ESYT2: variants seen among roughly 807,000 people sequenced by gnomAD.
ESYT2 encodes extended synaptotagmin 2, also known as extended synaptotagmin-2.
ESYT2 carries 54 observed loss-of-function variants against 107.2 expected under a neutral mutation model. The ratio of observed to expected loss-of-function variants is 0.50; its 90% confidence interval spans 0.40 to 0.63. The LOEUF (loss-of-function observed/expected upper bound fraction) is 0.63, where lower values mean the gene tolerates loss of function less well. Ranked by LOEUF, ESYT2 falls within the 30% of genes least tolerant of loss-of-function variation. The pLI is 0.00. For missense variants in ESYT2, 1,020 were observed against 1,094.5 expected, an observed-to-expected ratio of 0.93 and a Z score of 0.96; for synonymous variants, 491 against 434.1, an observed-to-expected ratio of 1.13 and a Z score of -1.63.
chr7:158,829,230 A>C lies in ESYT2; in HGVS notation c.189T>G (p.Val63=). The C allele has an allele frequency of 6.5e-7, 1 of 1,529,044 alleles. No homozygotes were observed. The highest frequency in any genetic ancestry group is 8.7e-7 in the Non-Finnish European group (1 of 1,145,982). 94.7% of individuals were successfully genotyped at this position (1,529,044 alleles called of 1,614,324 possible). A position where few individuals can be genotyped will look rare whatever the true frequency, so the allele number is the denominator to read the frequency against. Residue 63 remains valine, a synonymous_variant, in exon 1 of 23, where the codon GTT becomes GTG. Transcript: ENST00000275418. ...LGYLGLSFSW[V]LLALALLAWC... ...AGGCGAGCAGCGCGAGCGCGAGGAG[A>C]ACCCAGCTGAAGCTGAGCCCCAGGT... is the stretch of plus-strand genomic sequence containing the variant.
intron 4 of ESYT2, among the ~76,000 whole-genome samples, chr7:158,792,544 C>A (rs867688185): frequency 1.3e-4 from 19 of 148,234 alleles, no homozygotes; most frequent in Middle Eastern, 3.4e-3. Flanking sequence ...AAAAAAAAAA[C>A]CAACCAAACA....
At chr7:158,792,630 T>C (rs899063755) in intron 4 of ESYT2, among the ~76,000 whole-genome samples, 3 of 151,786 alleles carry the variant, frequency 2.0e-5, no homozygotes, top group Non-Finnish European at 2.9e-5. Flanking sequence ...CCTTTATTTC[T>C]TTCTCTTGCC....
intron 14 of ESYT2, among the ~76,000 whole-genome samples, chr7:158,751,889 A>G (rs897271126): frequency 1.3e-5 from 2 of 152,316 alleles, no homozygotes; most frequent in African/African-American, 4.8e-5. Context: ...GGGCACAGTT[A>G]TTTCAACTAC....
Position 158,741,479 on chromosome 7 carries a change from C to T in ESYT2, c.2168+44G>A, listed in dbSNP as rs370858579. 2,781 of 1,477,002 alleles carry T rather than the reference C, an allele frequency of 1.9e-3. 5 individuals are homozygous for T. Among genetic ancestry groups the T allele is most frequent in the Non-Finnish European group, 2.4e-3 (2,650 of 1,112,632 alleles). The allele number at this position is 1,477,002 out of a possible 1,614,324, so 91.5% of individuals were successfully genotyped here. A position where few individuals can be genotyped will look rare whatever the true frequency, so the allele number is the denominator to read the frequency against. ...CTCTCCCCCAGCGTGGGGTGGGGGG[C>T]GCTTGCTCTGCTGGTGAGAAACAAC... On this transcript the variant is annotated intron_variant, in intron 18 of 22. Transcript: ENST00000275418.
intron 1 of ESYT2, among the ~76,000 whole-genome samples, chr7:158,823,488 G>A (rs998646012): frequency 3.3e-5 from 5 of 151,194 alleles, no homozygotes; most frequent in South Asian, 2.1e-4. Flanking sequence ...CGCCACGCCC[G>A]GCTAATTTTT....
At chr7:158,796,611 G>A (rs886718790) in intron 3 of ESYT2, among the ~76,000 whole-genome samples, 26 of 152,228 alleles carry the variant, frequency 1.7e-4, no homozygotes, top group South Asian at 4.1e-4. Context: ...AGAAAGACAC[G>A]TGGTGGAGAA....
chr7:158,758,846 G>A (rs1225007928), intron 13 of ESYT2, among the ~76,000 whole-genome samples: 1 of 152,126 alleles, frequency 6.6e-6, no homozygotes, highest in Non-Finnish European at 1.5e-5. Context: ...CCTTTTCTGT[G>A]GTTACGGTTA....
At chr7:158,756,926 A>G (rs939154825) in intron 13 of ESYT2, among the ~76,000 whole-genome samples, 3 of 150,510 alleles carry the variant, frequency 2.0e-5, no homozygotes, top group Non-Finnish European at 4.4e-5. Flanking sequence ...AAAAAAAAAA[A>G]AAAAAAAAAA....
At chr7:158,739,198 A>G (rs1176505330) in intron 18 of ESYT2, 77 bp from the exon 19 acceptor site, 2 of 1,209,766 alleles carry the variant, frequency 1.7e-6, no homozygotes, top group Non-Finnish European at 1.2e-6. Flanking sequence ...ACTGTACACG[A>G]TAAAATAATT....
At chr7:158,810,234 C>T (rs565569872) in intron 1 of ESYT2, among the ~76,000 whole-genome samples, 3 of 152,332 alleles carry the variant, frequency 2.0e-5, no homozygotes, top group Non-Finnish European at 4.4e-5. Flanking sequence ...TGAATGCTCA[C>T]AGCAGCATGA....
intron 6 of ESYT2, among the ~76,000 whole-genome samples, chr7:158,773,726 A>G (rs1389355403): frequency 2.0e-5 from 3 of 152,208 alleles, no homozygotes; most frequent in African/African-American, 7.2e-5. Context: ...TTTTACATAC[A>G]TGTTCTCATA....
rs574174194 is a variant in ESYT2, at chr7:158,763,351, G to A, written c.1102-186C>T. 4.5e-4 allele frequency among the ~76,000 whole-genome samples: 68 copies of A among 152,150 alleles called. No homozygotes were observed. The South Asian group carries it at 8.5e-3, about 19-fold the overall frequency. On this transcript the variant is annotated intron_variant, in intron 9 of 22. Coordinates refer to ENST00000275418, the MANE Select transcript of ESYT2 (RefSeq NM_001367773.1). ...GCTCTATCTCCCAGGTTGGAGTGCAGTGGCACAATCTTGGCTCACTGCAAC... is the reference window on the plus strand; with the variant it reads ...GCTCTATCTCCCAGGTTGGAGTGCAATGGCACAATCTTGGCTCACTGCAAC...
At chr7:158,788,878 C>CAGTG (rs1322010733) in intron 4 of ESYT2, among the ~76,000 whole-genome samples, 1 of 152,224 alleles carries the variant, frequency 6.6e-6, no homozygotes, top group Non-Finnish European at 1.5e-5. Context: ...ATAAATCTCA[C>CAGTG]AGTGCCCTAG....
chr7:158,758,282 T>G (rs1383004757), intron 13 of ESYT2, among the ~76,000 whole-genome samples: 6 of 152,214 alleles, frequency 3.9e-5, no homozygotes, highest in Non-Finnish European at 7.3e-5. Flanking sequence ...GCACAAGTAT[T>G]TACTTCATTT....
At position 158,745,460 on chromosome 7, in the gene ESYT2, C is replaced by T. The variant is rs187229474; in HGVS notation, c.1645-1782G>A. ...ATAAGTAGTCTGAGAACTAGTAAGG[C>T]CCCAGAGGGCCTGAGCAATGGCAAT... On this transcript the variant is annotated intron_variant, in intron 16 of 22. Transcript: ENST00000275418. Among the ~76,000 whole-genome samples the T allele has an allele frequency of 5.9e-5, 9 of 152,306 alleles. No individual in the cohort carries two copies. The East Asian group carries it at 1.7e-3, about 29-fold the overall frequency.
chr7:158,742,082 C>T (rs35296813), intron 17 of ESYT2, among the ~76,000 whole-genome samples, 186 bp from the exon 18 acceptor site: 33,209 of 151,802 alleles, frequency 0.22, 4,654 homozygotes, highest in East Asian at 0.59. Context: ...CACTTTTTTC[C>T]CAGAGATGAG....
chr7:158,760,915 T>C (rs1837939095), intron 11 of ESYT2, among the ~76,000 whole-genome samples: 1 of 152,216 alleles, frequency 6.6e-6, no homozygotes, highest in Admixed American at 6.5e-5. Context: ...AACGTGTGAT[T>C]ACGAAAGCAG....
intron 15 of ESYT2, among the ~76,000 whole-genome samples, chr7:158,748,832 G>T (rs562372381): frequency 8.9e-4 from 135 of 151,648 alleles, no homozygotes; most frequent in African/African-American, 2.8e-3. Context: ...CAATTCCCCT[G>T]CTGCAGCCTC....
chr7:158,733,970 C>T lies in ESYT2; in HGVS notation c.*237G>A, dbSNP rs1061733. 48,134 of 513,576 alleles carry T rather than the reference C, an allele frequency of 0.094. 2,491 individuals carry two copies. Among genetic ancestry groups the T allele is most frequent in the African/African-American group, 0.11 (5,757 of 51,798 alleles). The allele number at this position is 513,576 out of a possible 1,614,324, so 31.8% of individuals were successfully genotyped here. Reference sequence around the variant, plus strand: ...CAGAGTCCACAGACACAAGAGCTACCGCCGCCCTACTGCACGTTGTAGGAA... The same window carrying T: ...CAGAGTCCACAGACACAAGAGCTACTGCCGCCCTACTGCACGTTGTAGGAA... On this transcript the variant is annotated 3_prime_UTR_variant, in exon 23 of 23. Transcript: ENST00000275418.
Sources: gnomAD v4.1 joint callset for allele counts (sites outside exome capture counted in the v4.1 genomes callset) on GRCh38, gnomAD v4.1.1 for gene constraint, MANE v1.5 for transcripts, NCBI Gene and HGNC (gene_info 2026-07-23, HGNC 2026-07-21) for gene names.